SH3PXD2B: variants seen among roughly 807,000 people sequenced by gnomAD.
SH3PXD2B encodes the protein SH3 and PX domains 2B.
A neutral mutation model predicts 73.1 loss-of-function variants in SH3PXD2B; 37 were observed. The observed-to-expected ratio is 0.51, with a 90% confidence interval of 0.39 to 0.67. The LOEUF (loss-of-function observed/expected upper bound fraction) is 0.67. Ranked by LOEUF, SH3PXD2B falls within the 30% of genes least tolerant of loss-of-function variation. The pLI is 0.00. For synonymous variants in SH3PXD2B, 457 were observed against 480.5 expected (o/e 0.95, Z 0.64); for missense variants, 1,053 against 1,197.8 (o/e 0.88, Z 1.78).
At chr5:172,402,108 G>C (rs1758431643) in intron 3 of SH3PXD2B, among the ~76,000 whole-genome samples, 1 of 152,182 alleles carries the variant, frequency 6.6e-6, no homozygotes, top group Non-Finnish European at 1.5e-5. Context: ...TCTCAGCAAG[G>C]AACAGCCCTG....
chr5:172,450,244 T>C (rs1759765825), intron 1 of SH3PXD2B, among the ~76,000 whole-genome samples: 1 of 151,892 alleles, frequency 6.6e-6, no homozygotes, highest in African/African-American at 2.4e-5. Context: ...AAAAATCCTA[T>C]CTATTAGTCT....
At chr5:172,357,798 C>T (rs1176229914) in intron 8 of SH3PXD2B, among the ~76,000 whole-genome samples, 1 of 152,184 alleles carries the variant, frequency 6.6e-6, no homozygotes, top group Non-Finnish European at 1.5e-5. Context: ...ATGCAAAAAC[C>T]ATATGTCAAT....
In SH3PXD2B at chr5:172,339,387, C is replaced by A; in HGVS notation, c.1718G>T (p.Arg573Leu). The change falls in exon 13 of 13, where the codon CGG becomes CTG. Residue 573 changes from arginine (R) to leucine (L), a missense_variant. Arg to Leu is a moderately radical substitution (Grantham distance 102). Around this residue, in one of 2 missense-constraint regions of SH3PXD2B, gnomAD observed 587 missense variants for 590.7 expected, o/e 0.99. Coordinates refer to ENST00000311601, the MANE Select transcript of SH3PXD2B (RefSeq NM_001017995.3). This position sits in a 1 kb window ranked among gnomAD's most constrained non-coding sequence, Gnocchi z 6.1. ...MMPAKHIPPARDSRRPEPKPD... is the reference protein window; with the variant it reads ...MMPAKHIPPALDSRRPEPKPD... ...TTTGGGCTCTGGCCTCCTGCTGTCC[C>A]GGGCTGGAGGGATGTGTTTGGCTGG... 6.2e-7 allele frequency: 1 copy of A among 1,614,172 alleles called. No individual in the cohort carries two copies. Among genetic ancestry groups the A allele is most frequent in the Non-Finnish European group, 8.5e-7 (1 of 1,180,028 alleles).
chr5:172,375,588 T>A (rs77325464), intron 5 of SH3PXD2B, among the ~76,000 whole-genome samples: 5,797 of 152,332 alleles, frequency 0.038, 201 homozygotes, highest in South Asian at 0.2. Flanking sequence ...ATGTTTCATA[T>A]AAATAGAATC....
At chr5:172,414,105 T>G (rs183991558) in intron 2 of SH3PXD2B, among the ~76,000 whole-genome samples, 109 of 152,272 alleles carry the variant, frequency 7.2e-4, no homozygotes, top group Admixed American at 2.5e-3. Flanking sequence ...GGGCAGATAG[T>G]CTTAAAAAGT....
intron 4 of SH3PXD2B, among the ~76,000 whole-genome samples, chr5:172,387,140 T>C (rs1212313673): frequency 1.3e-5 from 2 of 152,172 alleles, no homozygotes; most frequent in Non-Finnish European, 2.9e-5. Flanking sequence ...GCCTGGTAAA[T>C]ACTACTGTTA....
intron 2 of SH3PXD2B, among the ~76,000 whole-genome samples, chr5:172,419,224 G>A (rs529759030): frequency 6.6e-6 from 1 of 152,166 alleles, no homozygotes; most frequent in Non-Finnish European, 1.5e-5. Flanking sequence ...CTGGAACAGG[G>A]AACTCAGAGA....
chr5:172,436,088 C>T (rs1759379918), intron 1 of SH3PXD2B, among the ~76,000 whole-genome samples: 1 of 152,186 alleles, frequency 6.6e-6, no homozygotes, highest in Non-Finnish European at 1.5e-5. Flanking sequence ...CAGCTGTGGA[C>T]TCTTTCTGCT....
rs79279010 is a variant in SH3PXD2B at position 172,450,746 on chromosome 5, G to C, written c.75+3532C>G. On this transcript the variant is annotated intron_variant, in intron 1 of 12. Transcript: ENST00000311601. The stretch of plus-strand genomic sequence containing the variant: ...AAATAAAACCCACAAATCCTACCTG[G>C]AGCTCTTCTTCCTCCCCCCAAGCTG... Among the ~76,000 whole-genome samples the C allele has an allele frequency of 1.7e-3, 254 of 152,120 alleles. 2 individuals carry two copies. Among genetic ancestry groups the C allele is most frequent in the Admixed American group, 3.3e-3 (51 of 15,262 alleles).
At position 172,338,108 on chromosome 5, in the gene SH3PXD2B, T is replaced by C; in HGVS notation, c.*261A>G. 1 of 1,391,450 alleles carries C rather than the reference T, an allele frequency of 7.2e-7. No homozygotes were observed. The highest frequency in any genetic ancestry group is 9.3e-7 in the Non-Finnish European group (1 of 1,073,774). 86.2% of individuals were successfully genotyped at this position (1,391,450 alleles called of 1,614,324 possible). A position where few individuals can be genotyped will look rare whatever the true frequency, so the allele number is the denominator to read the frequency against. On this transcript the variant is annotated 3_prime_UTR_variant, in exon 13 of 13. Coordinates refer to ENST00000311601, the MANE Select transcript of SH3PXD2B (RefSeq NM_001017995.3). The surrounding 1 kb of genome is among the most constrained non-coding windows in gnomAD (Gnocchi z 5.1). ...TGCCATTGGCCAGGAGGAGTTCTCTTAAGGCAGGGATGCTGACATGGACAG... is the reference window on the plus strand; with the variant it reads ...TGCCATTGGCCAGGAGGAGTTCTCTCAAGGCAGGGATGCTGACATGGACAG...
intron 10 of SH3PXD2B, among the ~76,000 whole-genome samples, chr5:172,349,646 G>T (rs572272871): frequency 6.6e-6 from 1 of 152,250 alleles, no homozygotes; most frequent in South Asian, 2.1e-4. Context: ...CTAGCTGGGG[G>T]CCTTGGGCAC....
rs371697230 is a variant in SH3PXD2B at position 172,339,722 on chromosome 5, G to A, written c.1383C>T (p.Ser461=). 93 of 1,614,024 alleles carry A rather than the reference G, an allele frequency of 5.8e-5. No individual in the cohort carries two copies. In the East Asian group the frequency reaches 1.2e-3, roughly 21 times the overall value. The change falls in exon 13 of 13, where the codon AGC becomes AGT. Residue 461 remains serine, a synonymous_variant. Transcript: ENST00000311601. This position sits in a 1 kb window ranked among gnomAD's most constrained non-coding sequence, Gnocchi z 6.1. ...EAAALENNTG[S]EATGPSRPLP... ...GGGGCCGGGAGGGGCCCGTGGCTTC[G>A]CTGCCCGTGTTGTTCTCCAGCGCTG...
At chr5:172,365,965 G>A (rs1384443396) in intron 6 of SH3PXD2B, among the ~76,000 whole-genome samples, 2 of 152,176 alleles carry the variant, frequency 1.3e-5, no homozygotes, top group Non-Finnish European at 2.9e-5. Flanking sequence ...GCCCTCAGGT[G>A]AGCTGGACCA....
intron 1 of SH3PXD2B, among the ~76,000 whole-genome samples, chr5:172,436,681 G>A (rs1269843825): frequency 6.6e-6 from 1 of 152,214 alleles, no homozygotes; most frequent in Non-Finnish European, 1.5e-5. Context: ...TGGAGATGAA[G>A]GGAGCAAATA....
intron 8 of SH3PXD2B, among the ~76,000 whole-genome samples, 193 bp from the exon 9 acceptor site, chr5:172,354,198 G>A (rs369709945): frequency 3.6e-4 from 55 of 151,492 alleles, no homozygotes; most frequent in East Asian, 1.6e-3. Context: ...GGTAGATCTC[G>A]ATCCCTCTGA....
rs1390840970 is a variant in SH3PXD2B, at chr5:172,454,334, T to C, written c.19A>G (p.Ile7Val). 13 of 1,540,050 alleles carry C rather than the reference T, an allele frequency of 8.4e-6. No homozygotes were observed. In the East Asian group the frequency reaches 3.4e-4, roughly 41 times the overall value. Residue 7 changes from isoleucine to valine, a missense_variant, in exon 1 of 13, where the codon ATC becomes GTC. Ile to Val is a conservative substitution (Grantham distance 29). This residue lies in a region of SH3PXD2B where 466 missense variants were observed against 607.1 expected (regional missense o/e 0.77). Transcript: ENST00000311601. The part of the protein sequence containing the change: MPPRRS[I>V]VEVKVLDVQK... Reference sequence around the variant, plus strand: ...ACGTCTAGCACCTTCACCTCCACGATGCTGCGCCGCGGCGGCATGGCCGCT... The same window carrying C: ...ACGTCTAGCACCTTCACCTCCACGACGCTGCGCCGCGGCGGCATGGCCGCT...
Position 172,437,672 on chromosome 5 carries a change from AT to A in SH3PXD2B, c.76-15177del, listed in dbSNP as rs556712496. Among the ~76,000 whole-genome samples the A allele has an allele frequency of 3.5e-4, 53 of 152,156 alleles. 2 individuals carry two copies. Among genetic ancestry groups the A allele is most frequent in the South Asian group, 3.1e-3 (15 of 4,816 alleles). On this transcript the variant is annotated intron_variant, in intron 1 of 12. Transcript: ENST00000311601. The stretch of plus-strand genomic sequence containing the variant: ...ACACTGGAGGTGGCAGGCTGCCAAT[AT>A]TTTTTTCCCCCAATTTTTTCAATTA...
At chr5:172,369,954 T>G (rs1299454179) in intron 6 of SH3PXD2B, among the ~76,000 whole-genome samples, 4 of 152,214 alleles carry the variant, frequency 2.6e-5, no homozygotes, top group Non-Finnish European at 4.4e-5. Context: ...CAGGTACAGA[T>G]AGTTACTCAT....
At chr5:172,454,135 G>A (rs1759871261) in intron 1 of SH3PXD2B, 143 bp downstream of exon 1, 1 of 544,016 alleles carries the variant, frequency 1.8e-6, no homozygotes, top group Non-Finnish European at 3.0e-6. Context: ...AGGGACCCGG[G>A]CAGCGCCGCC....
Sources: gnomAD v4.1 joint callset for allele counts (sites outside exome capture counted in the v4.1 genomes callset) on GRCh38, gnomAD v4.1.1 for gene constraint, gnomAD v4.1.1 regional missense constraint, Gnocchi (gnomAD v3.1) non-coding constraint, MANE v1.5 for transcripts, NCBI Gene and HGNC (gene_info 2026-07-23, HGNC 2026-07-21) for gene names.